Variants in ARMC5 observed in about 807,000 individuals in gnomAD.
The protein encoded by ARMC5 is armadillo repeat containing 5, also known as armadillo repeat-containing protein 5.
In ARMC5, 28 loss-of-function variants were observed where a neutral mutation model predicts 60.5. The ratio of observed to expected loss-of-function variants is 0.46; its 90% CI spans 0.34 to 0.63. The LOEUF (loss-of-function observed/expected upper bound fraction) is 0.63. Among genes scored for constraint, ARMC5 ranks in the 30% least tolerant of loss-of-function variants. The pLI, the probability that ARMC5 is intolerant of heterozygous loss-of-function variation, is 0.01. For synonymous variants in ARMC5, 680 were observed against 607.3 expected, an observed-to-expected ratio of 1.12 and a Z score of -1.76; for missense variants, 1,189 against 1,304.9, an observed-to-expected ratio of 0.91 and a Z score of 1.37.
rs750035803 is a variant in ARMC5, at chr16:31,459,608, T to A, written c.84T>A (p.Gly28=). Residue 28 remains glycine (G), a synonymous_variant, in exon 1 of 6, where the codon GGT becomes GGA. Coordinates refer to ENST00000268314, the MANE Select transcript of ARMC5 (RefSeq NM_001105247.2). ...QLAAAAGEAL[G]GEKDPATNET... The stretch of plus-strand genomic sequence containing the variant: ...CGGCGGCGGCCGGGGAGGCTCTGGG[T>A]GGGGAAAAGGACCCAGCGACCAACG... 2 of 1,597,650 alleles carry A rather than the reference T, an allele frequency of 1.3e-6. No homozygotes were observed. The highest frequency in any genetic ancestry group is 1.7e-5 in the Admixed American group (1 of 59,556).
chr16:31,459,650 C>A lies in ARMC5; in HGVS notation c.126C>A (p.Arg42=). ...DPATNETPLS[R]ALLALRTRHI... ...CGACCAACGAGACACCCCTGAGCCG[C>A]GCGCTCCTAGCCCTCCGCACGCGCC... Residue 42 remains arginine, a synonymous_variant, in exon 1 of 6, where the codon CGC becomes CGA. Transcript: ENST00000268314. The A allele has an allele frequency of 6.3e-7, 1 of 1,591,022 alleles. No homozygotes were observed. The highest frequency in any genetic ancestry group is 1.1e-5 in the South Asian group (1 of 90,566).
chr16:31,464,401 C>T lies in ARMC5; in HGVS notation c.1378C>T (p.Leu460=), dbSNP rs1173834530. ...GGSFRSLRSW[L]ISEGYATGPD... is the part of the protein sequence containing the mutation. ...CCTTTCTGCCCTCCGCAGGTCGTGG[C>T]TGATCTCCGAGGGCTATGCCACAGG... is the stretch of plus-strand genomic sequence containing the variant. The change falls in exon 4 of 6, where the codon CTG becomes TTG. Residue 460 remains leucine, a synonymous_variant. Transcript: ENST00000268314. The surrounding 1 kb of genome is among the most constrained non-coding windows in gnomAD (Gnocchi z 7.6). The T allele has an allele frequency of 6.6e-7, 1 of 1,523,744 alleles. No individual in the cohort carries two copies. Among genetic ancestry groups the T allele is most frequent in the Admixed American group, 2.1e-5 (1 of 46,598 alleles). The allele number at this position is 1,523,744 out of a possible 1,614,324, so 94.4% of individuals were successfully genotyped here.
chr16:31,463,011 C>G, intron 3 of ARMC5, 94 bp downstream of exon 3: 4 of 1,279,810 alleles, frequency 3.1e-6, no homozygotes, highest in Non-Finnish European at 4.2e-6. Flanking sequence ...CACCCCTATT[C>G]TGTCTGAATA....
At chr16:31,458,842 C>CCCGTT (rs2082270394), upstream of ARMC5, 1 of 1,534,806 alleles carries the variant, frequency 6.5e-7, no homozygotes. Context: ...TGAAGAACTC[C>CCCGTT]CCGTTTCCTA....
intron 4 of ARMC5, chr16:31,465,144 G>C (rs766053208): frequency 6.2e-7 from 1 of 1,613,226 alleles, no homozygotes; most frequent in South Asian, 1.1e-5. Context: ...CCGCGCCCAG[G>C]ATCTGGGCTG....
intron 4 of ARMC5, chr16:31,465,525 T>G: frequency 2.3e-6 from 2 of 872,368 alleles, no homozygotes; most frequent in Non-Finnish European, 3.2e-6. Flanking sequence ...TTCATATATC[T>G]CTAAGATCTA....
intron 1 of ARMC5, among the ~76,000 whole-genome samples, chr16:31,461,403 A>G (rs2082302459): frequency 6.6e-6 from 1 of 152,140 alleles, no homozygotes; most frequent in Non-Finnish European, 1.5e-5. Flanking sequence ...GGGCCTTTGG[A>G]AAGGCTGCTT....
Position 31,464,980 on chromosome 16 carries a change from CA to C in ARMC5, c.1864+94del. The stretch of plus-strand genomic sequence containing the variant: ...GGGCCCAGAACCTCACCTTCCCACT[CA>C]CCTGTCCTCCCCAGCCCGTCCTCCA... On this transcript the variant is annotated intron_variant, in intron 4 of 5. Transcript: ENST00000268314. This position sits in a 1 kb window ranked among gnomAD's most constrained non-coding sequence, Gnocchi z 7.6. 1 of 1,610,658 alleles carries C rather than the reference CA, an allele frequency of 6.2e-7. No homozygotes were observed. The highest frequency in any genetic ancestry group is 8.5e-7 in the Non-Finnish European group (1 of 1,177,716).
Position 31,459,893 on chromosome 16 carries a change from G to C in ARMC5, c.369G>C (p.Val123=), listed in dbSNP as rs1170494286. ...CGTCGTCTAGTCCTACGCCGCCAGT[G>C]CGCCTGCGCAAGACGCTGGACTTGG... ...AVSSSSPTPP[V]RLRKTLDLAL... The change falls in exon 1 of 6, where the codon GTG becomes GTC. Residue 123 remains valine, a synonymous_variant. Transcript: ENST00000268314. 2 of 1,605,930 alleles carry C rather than the reference G, an allele frequency of 1.2e-6. No homozygotes were observed. Among genetic ancestry groups the C allele is most frequent in the Non-Finnish European group, 1.7e-6 (2 of 1,179,868 alleles).
At chr16:31,461,869 A>G (rs2082306167) in intron 1 of ARMC5, 53 bp from the exon 2 acceptor site, 1 of 1,513,548 alleles carries the variant, frequency 6.6e-7, no homozygotes. Flanking sequence ...CAGGTTATTG[A>G]TGTGAGAGAC....
At chr16:31,460,030 A>C in intron 1 of ARMC5, 31 bp downstream of exon 1, 1 of 1,592,254 alleles carries the variant, frequency 6.3e-7, no homozygotes, top group Non-Finnish European at 8.5e-7. Context: ...TCCTAGAAAG[A>C]TTAGGTTTGC....
chr16:31,464,501 C>A lies in ARMC5; in HGVS notation c.1478C>A (p.Pro493Gln), dbSNP rs371884484. Residue 493 changes from proline to glutamine, a missense_variant, in exon 4 of 6, where the codon CCG (proline) becomes CAG (glutamine). Pro to Gln is a moderately conservative substitution (Grantham distance 76). Transcript: ENST00000268314. The surrounding 1 kb of genome is among the most constrained non-coding windows in gnomAD (Gnocchi z 7.6). Reference protein sequence around the residue: ...PEPMEPASPAPTPTSLRAPRT... With the variant: ...PEPMEPASPAQTPTSLRAPRT... ...CCCATGGAGCCGGCCAGCCCCGCCCCGACCCCGACCTCGCTGCGGGCACCA... is the reference window on the plus strand; with the variant it reads ...CCCATGGAGCCGGCCAGCCCCGCCCAGACCCCGACCTCGCTGCGGGCACCA... 4 of 1,607,574 alleles carry A rather than the reference C, an allele frequency of 2.5e-6. No homozygotes were observed.
At chr16:31,458,347 G>A (rs372483392), upstream of ARMC5, 5 of 1,493,346 alleles carry the variant, frequency 3.3e-6, no homozygotes, top group East Asian at 2.5e-5. Context: ...TCAGGTTGGA[G>A]CTGACGCTGA....
At chr16:31,460,134 C>A in intron 1 of ARMC5, 135 bp downstream of exon 1, 1 of 992,302 alleles carries the variant, frequency 1.0e-6, no homozygotes, top group Non-Finnish European at 1.5e-6. Flanking sequence ...TCCTGTTTCT[C>A]AATCTGTTGT....
In ARMC5 at chr16:31,464,672, G is replaced by A; in HGVS notation, c.1649G>A (p.Gly550Asp). Residue 550 changes from glycine to aspartate, a missense_variant, in exon 4 of 6, where the codon GGC (glycine) becomes GAC (aspartate). By Grantham distance (94) the Gly-to-Asp change is moderately conservative. Coordinates refer to ENST00000268314, the MANE Select transcript of ARMC5 (RefSeq NM_001105247.2). This position sits in a 1 kb window ranked among gnomAD's most constrained non-coding sequence, Gnocchi z 7.6. ...GALVTGPALY[G>D]LLTYVTGAPG... ...CTTGTGACCGGCCCGGCGCTGTACG[G>A]CCTGCTGACCTATGTGACCGGCGCA... The A allele has an allele frequency of 1.3e-6, 2 of 1,598,776 alleles. No homozygotes were observed. Among genetic ancestry groups the A allele is most frequent in the Non-Finnish European group, 1.7e-6 (2 of 1,179,026 alleles).
chr16:31,459,235 C>T (rs937828876), upstream of ARMC5: 3 of 1,532,474 alleles, frequency 2.0e-6, no homozygotes, highest in Admixed American at 5.9e-5. Flanking sequence ...ACCTGGAGGG[C>T]CCTGGAAGAG....
rs375172025 is a variant in ARMC5, at chr16:31,462,867, T to C, written c.1320T>C (p.Pro440=). 5.0e-6 allele frequency: 8 copies of C among 1,613,164 alleles called. No individual in the cohort carries two copies. Among genetic ancestry groups the C allele is most frequent in the African/African-American group, 1.3e-5 (1 of 74,886 alleles). Residue 440 remains proline, a synonymous_variant, in exon 3 of 6, where the codon CCT becomes CCC. Transcript: ENST00000268314. This position sits in a 1 kb window ranked among gnomAD's most constrained non-coding sequence, Gnocchi z 7.2. ...GAGAAGCTGCTTCCTGGGACTTTCC[T>C]GAGGAGAGGACCCCTGAGCGGGCAC... The part of the protein sequence containing the change: ...EGREAASWDF[P]EERTPERAQG...
chr16:31,459,572 C>G lies in ARMC5; in HGVS notation c.48C>G (p.Leu16=), dbSNP rs1326597182. Residue 16 remains leucine (L), a synonymous_variant, in exon 1 of 6, where the codon CTC becomes CTG. Transcript: ENST00000268314. ...PTLTDSLSFC[L]AQLAAAAGEA... is the part of the protein sequence containing the mutation. ...TCACGGACTCGCTCTCGTTCTGCCTCGCGCAGCTCGCGGCGGCGGCCGGGG... is the reference window on the plus strand; with the variant it reads ...TCACGGACTCGCTCTCGTTCTGCCTGGCGCAGCTCGCGGCGGCGGCCGGGG... The G allele has an allele frequency of 6.2e-7, 1 of 1,604,722 alleles. No homozygotes were observed. The highest frequency in any genetic ancestry group is 8.5e-7 in the Non-Finnish European group (1 of 1,179,360).
Position 31,466,503 on chromosome 16 carries a change from C to T in ARMC5, c.2422C>T (p.His808Tyr). ...GAAWPVLHHL[H>Y]GCRGCGAALG... ...AGCCTGGCCTGTCCTGCATCATTTG[C>T]ATGGTTGTCGGGGGTGTGGGGCTGC... Residue 808 changes from histidine (H) to tyrosine (Y), a missense_variant, in exon 6 of 6, where the codon CAT becomes TAT. Transcript: ENST00000268314. The surrounding 1 kb of genome is among the most constrained non-coding windows in gnomAD (Gnocchi z 8.0). 1 of 1,610,464 alleles carries T rather than the reference C, an allele frequency of 6.2e-7. No homozygotes were observed. The highest frequency in any genetic ancestry group is 8.5e-7 in the Non-Finnish European group (1 of 1,179,720).
Sources: gnomAD v4.1 joint callset for allele counts (sites outside exome capture counted in the v4.1 genomes callset) on GRCh38, gnomAD v4.1.1 for gene constraint, Gnocchi (gnomAD v3.1) non-coding constraint, MANE v1.5 for transcripts, NCBI Gene and HGNC (gene_info 2026-07-23, HGNC 2026-07-21) for gene names.